UNC13C: variants seen among roughly 807,000 people sequenced by gnomAD.
The protein encoded by UNC13C is unc-13 homolog C, also known as protein unc-13 homolog C.
Under a neutral mutation model 245.4 loss-of-function variants are expected in UNC13C, and 174 were observed. That is an observed-to-expected ratio of 0.71 (90% confidence interval 0.63 to 0.80). UNC13C has a LOEUF of 0.80. Among genes scored for constraint, UNC13C ranks in the 30% least tolerant of loss-of-function variants. UNC13C has a pLI of 0.00. For missense variants in UNC13C, 2,829 were observed against 2,602.9 expected (o/e 1.09, Z -1.89); for synonymous variants, 992 against 895.1 (o/e 1.11, Z -1.93).
At chr15:54,168,064 T>C (rs1461624015) in intron 4 of UNC13C, among the ~76,000 whole-genome samples, 1 of 152,224 alleles carries the variant, frequency 6.6e-6, no homozygotes, top group African/African-American at 2.4e-5. Flanking sequence ...AGATACGTGA[T>C]AGAGCAAGTA....
chr15:54,129,641 T>C (rs1375460237), intron 2 of UNC13C, among the ~76,000 whole-genome samples: 4 of 151,806 alleles, frequency 2.6e-5, no homozygotes, highest in Admixed American at 2.6e-4. Context: ...GATAGTTTAA[T>C]AGTCTTAGAA....
chr15:54,105,419 G>A (rs1479932652), intron 2 of UNC13C, among the ~76,000 whole-genome samples: 1 of 152,124 alleles, frequency 6.6e-6, no homozygotes, highest in Non-Finnish European at 1.5e-5. Flanking sequence ...AGAATAAATG[G>A]AATAACTGCC....
chr15:54,117,577 A>G (rs879426180), intron 2 of UNC13C, among the ~76,000 whole-genome samples: 1 of 72,288 alleles, frequency 1.4e-5, no homozygotes, highest in African/African-American at 5.4e-5. Context: ...CATTTTCTCT[A>G]TCTCTAGCTC....
intron 4 of UNC13C, among the ~76,000 whole-genome samples, chr15:54,215,657 C>T (rs956446432): frequency 2.0e-5 from 3 of 151,838 alleles, no homozygotes; most frequent in Admixed American, 6.6e-5. Flanking sequence ...AATATTATGG[C>T]AGTTTGAATT....
At chr15:54,317,744 A>G (rs2038045773) in intron 13 of UNC13C, among the ~76,000 whole-genome samples, 1 of 151,940 alleles carries the variant, frequency 6.6e-6, no homozygotes, top group Admixed American at 6.6e-5. Context: ...TTGTGGGAGA[A>G]CTTTTAACAT....
chr15:54,077,937 G>C (rs1471934393), intron 2 of UNC13C, among the ~76,000 whole-genome samples: 1 of 152,118 alleles, frequency 6.6e-6, no homozygotes, highest in African/African-American at 2.4e-5. Flanking sequence ...AGTAAACGTA[G>C]TACCTAATAC....
At position 54,110,892 on chromosome 15, in the gene UNC13C, T is replaced by C. The variant is rs796319651; in HGVS notation, c.2984-32126T>C. Among the ~76,000 whole-genome samples the C allele has an allele frequency of 1.3e-4, 20 of 152,296 alleles. 1 individual carries two copies. Among genetic ancestry groups the C allele is most frequent in the African/African-American group, 4.8e-4 (20 of 41,564 alleles). On this transcript the variant is annotated intron_variant, in intron 2 of 32. Transcript: ENST00000260323. ...TGTAACTGCAGATAAGAGTAAACAA[T>C]TGTTTTCCAAAAGTTTGCATATACC...
the UNC13C span, among the ~76,000 whole-genome samples, chr15:53,927,363 T>C: frequency 6.6e-6 from 1 of 152,072 alleles, no homozygotes; most frequent in African/African-American, 2.4e-5. Flanking sequence ...ACAGTTGGGA[T>C]GTGGGTGTAA....
At chr15:54,280,831 T>C (rs2036976056) in intron 10 of UNC13C, among the ~76,000 whole-genome samples, 1 of 151,132 alleles carries the variant, frequency 6.6e-6, no homozygotes, top group Non-Finnish European at 1.5e-5. Context: ...AGAGTCTCAC[T>C]CTGTCGCCCA....
intron 30 of UNC13C, among the ~76,000 whole-genome samples, chr15:54,580,744 C>T (rs1267174946): frequency 6.6e-6 from 1 of 152,168 alleles, no homozygotes; most frequent in Non-Finnish European, 1.5e-5. Flanking sequence ...GTGACTCTTT[C>T]GTTTACAAAA....
intron 4 of UNC13C, among the ~76,000 whole-genome samples, chr15:54,216,971 G>C (rs990144161): frequency 6.6e-6 from 1 of 151,906 alleles, no homozygotes; most frequent in Non-Finnish European, 1.5e-5. Context: ...CCTCCAAAGA[G>C]ATCATCAGGT....
chr15:53,914,152 C>T, the UNC13C span: 1 of 152,034 alleles, frequency 6.6e-6, no homozygotes, highest in African/African-American at 2.4e-5. Flanking sequence ...TGTGCCAAAC[C>T]TGTGTATAAA....
chr15:53,914,884 T>C, the UNC13C span, among the ~76,000 whole-genome samples: 27 of 152,216 alleles, frequency 1.8e-4, no homozygotes, highest in South Asian at 4.6e-3. Context: ...CCTAAATATG[T>C]GTGTGTATGT....
At chr15:54,019,485 G>T (rs796676118) in intron 2 of UNC13C, among the ~76,000 whole-genome samples, 25 of 152,280 alleles carry the variant, frequency 1.6e-4, no homozygotes, top group African/African-American at 5.1e-4. Flanking sequence ...ATCAAGATTT[G>T]TAGAGTGCAA....
intron 7 of UNC13C, among the ~76,000 whole-genome samples, chr15:54,249,683 C>T (rs1014900537): frequency 6.6e-6 from 1 of 152,120 alleles, no homozygotes; most frequent in African/African-American, 2.4e-5. Flanking sequence ...AAATATAAAT[C>T]ACCATGGGAG....
chr15:53,882,601 C>T, the UNC13C span, among the ~76,000 whole-genome samples: 9 of 152,026 alleles, frequency 5.9e-5, no homozygotes, highest in African/African-American at 2.2e-4. Context: ...GATAACAGGG[C>T]CAAATGAAGC....
At chr15:54,558,361 GA>G (rs1379514931) in intron 29 of UNC13C, among the ~76,000 whole-genome samples, 2 of 152,134 alleles carry the variant, frequency 1.3e-5, no homozygotes, top group East Asian at 3.9e-4. Context: ...GCAGAGCTGA[GA>G]AAGGACTCCA....
chr15:54,449,475 G>A (rs182321818), intron 19 of UNC13C, among the ~76,000 whole-genome samples: 28 of 152,024 alleles, frequency 1.8e-4, no homozygotes, highest in African/African-American at 4.6e-4. Context: ...TGTTTGTTTC[G>A]TTTTCTTCTT....
At position 54,048,505 on chromosome 15, in the gene UNC13C, A is replaced by G; in HGVS notation, c.2983+32619A>G. On this transcript the variant is annotated intron_variant, in intron 2 of 32. Transcript: ENST00000260323. The stretch of plus-strand genomic sequence containing the variant: ...CTATTTCAGCCTCCTGTATGTTTCC[A>G]CTAAACCTTAGTATGTGGGCCATTT... 5.1e-6 allele frequency: 3 copies of G among 592,156 alleles called. No homozygotes were observed. The Admixed American group carries it at 5.9e-5, about 12-fold the overall frequency. The allele number at this position is 592,156 out of a possible 1,614,324, so 36.7% of individuals were successfully genotyped here.
Sources: gnomAD v4.1 joint callset for allele counts (sites outside exome capture counted in the v4.1 genomes callset) on GRCh38, gnomAD v4.1.1 for gene constraint, MANE v1.5 for transcripts, NCBI Gene and HGNC (gene_info 2026-07-23, HGNC 2026-07-21) for gene names.